The following DCUN1D2 variants were observed in gnomAD, a reference collection of about 807,000 sequenced individuals.
DCUN1D2 encodes DCN1-like protein 2.
A neutral mutation model predicts 30.9 loss-of-function variants in DCUN1D2; 29 were observed. That is an observed-to-expected ratio of 0.94 (90% CI 0.70 to 1.28). The LOEUF is 1.28. Ranked by LOEUF, DCUN1D2 falls within the 50% of genes most tolerant of loss-of-function variation. The probability of loss-of-function intolerance (pLI) is 0.00; values close to 1 mark genes in which losing one functional copy is unlikely to be tolerated. For missense variants in DCUN1D2, 325 were observed against 316.9 expected (o/e 1.03, Z -0.19); for synonymous variants, 121 against 115.3 (o/e 1.05, Z -0.32).
chr13:113,477,719 T>A (rs182804606), intron 3 of DCUN1D2, among the ~76,000 whole-genome samples: 3,547 of 151,214 alleles, frequency 0.023, 91 homozygotes, highest in East Asian at 0.11. Flanking sequence ...TTTTTTTTTT[T>A]AAATGAAGAA....
chr13:113,457,685 C>T lies in DCUN1D2; in HGVS notation c.*344G>A, dbSNP rs901214523. 2.0e-4 allele frequency: 34 copies of T among 173,890 alleles called. No individual in the cohort carries two copies. The highest frequency in any genetic ancestry group is 8.8e-4 in the East Asian group (6 of 6,814). The allele number at this position is 173,890 out of a possible 1,614,324, so 10.8% of individuals were successfully genotyped here. On this transcript the variant is annotated 3_prime_UTR_variant, in exon 7 of 7. Coordinates refer to ENST00000478244, the MANE Select transcript of DCUN1D2 (RefSeq NM_001014283.2). ...GGCGGGACGCTGCCGGACGCTGGTT[C>T]GCCTGACGCGCGAGCTACGCAGCAT...
rs1692782419 is a variant in DCUN1D2 at position 113,482,531 on chromosome 13, C to G, written c.220+1309G>C. Among the ~76,000 whole-genome samples, 3 of 152,214 alleles carry G rather than the reference C, an allele frequency of 2.0e-5. No homozygotes were observed. In the South Asian group the frequency reaches 6.2e-4, roughly 32 times the overall value. ...AGTACAAACCTGGTTTGTTTTACCA[C>G]TGACTATGTTTCTGAGCCAAGATTT... On this transcript the variant is annotated intron_variant, in intron 2 of 6. Transcript: ENST00000478244.
intron 2 of DCUN1D2, among the ~76,000 whole-genome samples, chr13:113,483,289 C>G (rs2044741533): frequency 6.6e-6 from 1 of 152,198 alleles, no homozygotes; most frequent in Admixed American, 6.5e-5. Context: ...AAATCACAAT[C>G]TGCAACAAAA....
intron 6 of DCUN1D2, among the ~76,000 whole-genome samples, 190 bp downstream of exon 6, chr13:113,459,121 TG>T (rs955227024): frequency 1.3e-5 from 2 of 152,232 alleles, no homozygotes; most frequent in Middle Eastern, 3.2e-3. Context: ...CTTAGAGGAC[TG>T]TCTTCTTGAT....
At chr13:113,458,293 C>T (rs2044259368) in intron 6 of DCUN1D2, among the ~76,000 whole-genome samples, 185 bp from the exon 7 acceptor site, 1 of 152,336 alleles carries the variant, frequency 6.6e-6, no homozygotes, top group Non-Finnish European at 1.5e-5. Context: ...ACGGCCAGGT[C>T]GGGAGCCCTG....
chr13:113,473,613 C>T (rs749991258), intron 4 of DCUN1D2, among the ~76,000 whole-genome samples: 15 of 151,796 alleles, frequency 9.9e-5, no homozygotes, highest in African/African-American at 2.9e-4. Flanking sequence ...AGTTGAGAGA[C>T]GCTATCAACT....
intron 4 of DCUN1D2, among the ~76,000 whole-genome samples, chr13:113,466,454 C>A (rs1429489748): frequency 6.6e-6 from 1 of 152,136 alleles, no homozygotes; most frequent in Non-Finnish European, 1.5e-5. Context: ...TCTGTAGATG[C>A]AAAAATACTT....
chr13:113,461,609 A>G (rs1200857782), intron 4 of DCUN1D2, among the ~76,000 whole-genome samples: 1 of 152,246 alleles, frequency 6.6e-6, no homozygotes, highest in Non-Finnish European at 1.5e-5. Flanking sequence ...CTGTTTCACA[A>G]GTAATTACAG....
rs2044227409 is a variant in DCUN1D2 at position 113,456,449 on chromosome 13, G to T, written c.*1580C>A. On this transcript the variant is annotated 3_prime_UTR_variant, in exon 7 of 7. Coordinates refer to ENST00000478244, the MANE Select transcript of DCUN1D2 (RefSeq NM_001014283.2). ...TTCTCAGAAGCCAACCCAGCTGCTT[G>T]TCTGGGCCATGCTCTCTCACACCGC... is the stretch of plus-strand genomic sequence containing the variant. The T allele has an allele frequency of 1.0e-5, 4 of 398,644 alleles. No homozygotes were observed. The allele number at this position is 398,644 out of a possible 1,614,324, so 24.7% of individuals were successfully genotyped here. A position where few individuals can be genotyped will look rare whatever the true frequency, so the allele number is the denominator to read the frequency against.
At chr13:113,491,299 G>A (rs7320829), upstream of DCUN1D2, 29,363 of 152,658 alleles carry the variant, frequency 0.19, 3,856 homozygotes, top group African/African-American at 0.38. Flanking sequence ...GTCCATCCGG[G>A]GCTCTTTCCC....
chr13:113,476,498 T>C (rs956721553), intron 3 of DCUN1D2, among the ~76,000 whole-genome samples: 2 of 152,246 alleles, frequency 1.3e-5, no homozygotes, highest in Non-Finnish European at 2.9e-5. Context: ...ATCTTTTGGT[T>C]GTTTTTCAAT....
intron 4 of DCUN1D2, among the ~76,000 whole-genome samples, chr13:113,468,380 G>A (rs2044443209): frequency 6.6e-6 from 1 of 152,202 alleles, no homozygotes; most frequent in Non-Finnish European, 1.5e-5. Context: ...CTGGGGGAGA[G>A]GGGAGTGGGG....
intron 4 of DCUN1D2, among the ~76,000 whole-genome samples, chr13:113,471,294 A>C (rs1389579788): frequency 7.3e-6 from 1 of 137,284 alleles, no homozygotes; most frequent in Non-Finnish European, 1.6e-5. Context: ...ACTCCACAGA[A>C]GACACAACTC....
Position 113,468,631 on chromosome 13 carries a change from G to A in DCUN1D2, c.520+5493C>T, listed in dbSNP as rs117773672. On this transcript the variant is annotated intron_variant, in intron 4 of 6. Coordinates refer to ENST00000478244, the MANE Select transcript of DCUN1D2 (RefSeq NM_001014283.2). ...CCATCAACCTCTCCTTCAGACAAGC[G>A]GCCTATGAGGACGCAGCACTAAAGG... 9.6e-4 allele frequency among the ~76,000 whole-genome samples: 146 copies of A among 152,314 alleles called. 1 individual carries two copies. The highest frequency in any genetic ancestry group is 1.9e-3 in the Non-Finnish European group (131 of 68,028).
At chr13:113,489,224 G>A (rs1594132411) in intron 1 of DCUN1D2, 1 of 853,598 alleles carries the variant, frequency 1.2e-6, no homozygotes, top group Non-Finnish European at 1.4e-6. Flanking sequence ...CTCCAACCTC[G>A]GCAGCAGTGG....
rs140928771 is a variant in DCUN1D2 at position 113,458,066 on chromosome 13, C to T, written c.743G>A (p.Arg248Gln). The T allele has an allele frequency of 6.6e-5, 107 of 1,614,050 alleles. No homozygotes were observed. The highest frequency in any genetic ancestry group is 1.3e-4 in the Admixed American group (8 of 60,008). ...GCGTTTTCCACCTGTGACTACTGGC[C>T]GTGCATATTCTACAAAATCATCTAT... Reference protein sequence around the residue: ...VLIDDFVEYARPVVTGGKRSL... With the variant: ...VLIDDFVEYAQPVVTGGKRSL... The change falls in exon 7 of 7, where the codon CGG becomes CAG. Residue 248 changes from arginine (R) to glutamine (Q), a missense_variant. Arg to Gln is a conservative substitution (Grantham distance 43, BLOSUM62 1). Transcript: ENST00000478244.
chr13:113,460,421 C>G (rs2139674447), intron 5 of DCUN1D2, among the ~76,000 whole-genome samples: 1 of 152,378 alleles, frequency 6.6e-6, no homozygotes, highest in South Asian at 2.1e-4. Context: ...GTCTGGGCAT[C>G]TCTGCCATTA....
At chr13:113,471,745 C>T (rs1467413606) in intron 4 of DCUN1D2, among the ~76,000 whole-genome samples, 2 of 152,178 alleles carry the variant, frequency 1.3e-5, no homozygotes, top group South Asian at 2.1e-4. Context: ...GAAAGTGGAG[C>T]GACACACTTA....
At position 113,471,682 on chromosome 13, in the gene DCUN1D2, C is replaced by A. The variant is rs1677501840; in HGVS notation, c.520+2442G>T. On this transcript the variant is annotated intron_variant, in intron 4 of 6. Coordinates refer to ENST00000478244, the MANE Select transcript of DCUN1D2 (RefSeq NM_001014283.2). The stretch of plus-strand genomic sequence containing the variant: ...CAAAACAGTAAGCAACTTATAAGAC[C>A]AAGAAGATTGGCTTATCATCATTCT... 1.3e-5 allele frequency among the ~76,000 whole-genome samples: 2 copies of A among 152,092 alleles called. 1 individual carries two copies. Among genetic ancestry groups the A allele is most frequent in the South Asian group, 4.1e-4 (2 of 4,826 alleles).
Sources: gnomAD v4.1 joint callset for allele counts (sites outside exome capture counted in the v4.1 genomes callset) on GRCh38, gnomAD v4.1.1 for gene constraint, MANE v1.5 for transcripts, NCBI Gene and HGNC (gene_info 2026-07-23, HGNC 2026-07-21) for gene names.